SAMD5: variants seen among roughly 807,000 people sequenced by gnomAD.
SAMD5 encodes sterile alpha motif domain containing 5, also known as sterile alpha motif domain-containing protein 5.
In SAMD5, 13 loss-of-function variants were observed where a neutral mutation model predicts 11.3. The ratio of observed to expected loss-of-function variants is 1.15; its 90% CI spans 0.75 to 1.83. The LOEUF is 1.83. Among genes scored for constraint, SAMD5 ranks in the 40% most tolerant of loss-of-function variants. The probability of loss-of-function intolerance (pLI) is 0.00; values close to 1 mark genes in which losing one functional copy is unlikely to be tolerated. For missense variants in SAMD5, 255 were observed against 239.1 expected (o/e 1.07, Z -0.44); for synonymous variants, 129 against 111.3 (o/e 1.16, Z -1.00).
At chr6:147,570,555 A>G (rs926737961), downstream of SAMD5, among the ~76,000 whole-genome samples, 3 of 152,160 alleles carry the variant, frequency 2.0e-5, no homozygotes, top group South Asian at 2.1e-4. Context: ...CATGCTTAAC[A>G]CAGTCACCAG....
chr6:147,869,519 C>A, the SAMD5 span, among the ~76,000 whole-genome samples: 1 of 152,128 alleles, frequency 6.6e-6, no homozygotes, highest in East Asian at 1.9e-4. Flanking sequence ...GTGGACAGGG[C>A]TTTGTGGCCA....
the SAMD5 span, among the ~76,000 whole-genome samples, chr6:147,939,771 T>C: frequency 2.6e-5 from 4 of 152,114 alleles, no homozygotes; most frequent in African/African-American, 9.7e-5. Flanking sequence ...AGAGGCACAG[T>C]TGTTCAACTT....
At chr6:147,701,897 G>A (rs1791258444) in intron 1 of SAMD5, among the ~76,000 whole-genome samples, 1 of 152,098 alleles carries the variant, frequency 6.6e-6, no homozygotes, top group African/African-American at 2.4e-5. Context: ...GACTAAATGG[G>A]AGAAATCCTT....
At chr6:147,619,743 C>T (rs940456263) in intron 1 of SAMD5, among the ~76,000 whole-genome samples, 1 of 152,274 alleles carries the variant, frequency 6.6e-6, no homozygotes, top group East Asian at 1.9e-4. Context: ...AGAGGGTGGA[C>T]CATCATCATG....
At chr6:147,836,973 T>C in the SAMD5 span, among the ~76,000 whole-genome samples, 2 of 152,202 alleles carry the variant, frequency 1.3e-5, no homozygotes, top group Non-Finnish European at 2.9e-5. Context: ...AAGGGATTTG[T>C]TTCTGTAAAA....
At chr6:147,835,247 C>CAAAAA in the SAMD5 span, among the ~76,000 whole-genome samples, 285 of 137,974 alleles carry the variant, frequency 2.1e-3, 10 homozygotes, top group African/African-American at 7.6e-3. Flanking sequence ...AAAAAAAAAA[C>CAAAAA]AAAAAAAACA....
At chr6:147,767,436 G>A in the SAMD5 span, among the ~76,000 whole-genome samples, 1 of 152,026 alleles carries the variant, frequency 6.6e-6, no homozygotes, top group African/African-American at 2.4e-5. Flanking sequence ...CTGACCAAAG[G>A]AGATGTTATG....
the SAMD5 span, among the ~76,000 whole-genome samples, chr6:147,880,216 ACGACT>A: frequency 1.3e-5 from 2 of 152,152 alleles, no homozygotes; most frequent in African/African-American, 4.8e-5. Flanking sequence ...TAAAGTTCCA[ACGACT>A]TTGTCTCTTT....
chr6:147,929,102 A>G, the SAMD5 span, among the ~76,000 whole-genome samples: 2 of 152,088 alleles, frequency 1.3e-5, no homozygotes, highest in African/African-American at 2.4e-5. Flanking sequence ...CAGTCACTCA[A>G]ATGCATTCAA....
intron 1 of SAMD5, among the ~76,000 whole-genome samples, chr6:147,732,382 T>A (rs1488612991): frequency 6.6e-6 from 1 of 152,216 alleles, no homozygotes; most frequent in East Asian, 1.9e-4. Context: ...TTGCTAATAA[T>A]TCTCTAATTT....
At chr6:147,588,945 G>A (rs1207850014) in intron 1 of SAMD5, among the ~76,000 whole-genome samples, 2 of 151,918 alleles carry the variant, frequency 1.3e-5, no homozygotes, top group African/African-American at 4.8e-5. Flanking sequence ...GTTTATGCCT[G>A]TGGTCCTGGC....
the SAMD5 span, among the ~76,000 whole-genome samples, chr6:147,892,733 G>A: frequency 2.6e-5 from 4 of 152,114 alleles, no homozygotes; most frequent in Non-Finnish European, 5.9e-5. Context: ...CAGCAGAGGG[G>A]TTACTCCTAG....
chr6:147,784,116 A>T, the SAMD5 span, among the ~76,000 whole-genome samples: 2 of 151,882 alleles, frequency 1.3e-5, no homozygotes, highest in African/African-American at 2.4e-5. Context: ...GCCACCACCT[A>T]CCCCTGCAAA....
chr6:147,753,697 C>T, the SAMD5 span, among the ~76,000 whole-genome samples: 1 of 151,948 alleles, frequency 6.6e-6, no homozygotes, highest in Admixed American at 6.6e-5. Context: ...CCCCACCTTC[C>T]CCCCAGCCCC....
chr6:147,941,574 G>A, the SAMD5 span, among the ~76,000 whole-genome samples: 2 of 152,068 alleles, frequency 1.3e-5, no homozygotes, highest in Non-Finnish European at 2.9e-5. Flanking sequence ...TACCGTATCT[G>A]TTTACTTCAT....
At chr6:147,753,964 G>A in the SAMD5 span, among the ~76,000 whole-genome samples, 8 of 152,046 alleles carry the variant, frequency 5.3e-5, no homozygotes, top group African/African-American at 1.9e-4. Flanking sequence ...TGGACACTCA[G>A]GATGCTTCCT....
chr6:147,508,767 G>C lies in SAMD5; in HGVS notation c.-162G>C, dbSNP rs1788031636. On this transcript the variant is annotated 5_prime_UTR_variant, in exon 1 of 2. Coordinates refer to ENST00000367474, the MANE Select transcript of SAMD5 (RefSeq NM_001030060.3). ...CTTCTCCCTTCCTCAGGCTTCTTCT[G>C]ATGGTTTTCCGTCTCCTGCCCGAGC... Among the ~76,000 whole-genome samples, 1 of 152,210 alleles carries C rather than the reference G, an allele frequency of 6.6e-6. No individual in the cohort carries two copies. The highest frequency in any genetic ancestry group is 2.4e-5 in the African/African-American group (1 of 41,460).
At chr6:147,814,338 G>A in the SAMD5 span, among the ~76,000 whole-genome samples, 1 of 152,130 alleles carries the variant, frequency 6.6e-6, no homozygotes, top group Admixed American at 6.6e-5. Context: ...TGCAATCGAT[G>A]TTTCCCTTTA....
chr6:147,812,792 G>A, the SAMD5 span, among the ~76,000 whole-genome samples: 1 of 152,118 alleles, frequency 6.6e-6, no homozygotes, highest in Non-Finnish European at 1.5e-5. Context: ...CAGAAACACA[G>A]GGCTTTAATT....
Sources: gnomAD v4.1 joint callset for allele counts (sites outside exome capture counted in the v4.1 genomes callset) on GRCh38, gnomAD v4.1.1 for gene constraint, MANE v1.5 for transcripts, NCBI Gene and HGNC (gene_info 2026-07-23, HGNC 2026-07-21) for gene names.